The following NAIF1 variants were observed in gnomAD, a reference collection of about 807,000 sequenced individuals.
NAIF1 encodes nuclear apoptosis-inducing factor 1.
In NAIF1, 14 loss-of-function variants were observed where a neutral mutation model predicts 20.7. The ratio of observed to expected loss-of-function variants is 0.67; its 90% CI spans 0.45 to 1.05. The LOEUF is 1.05. Among genes scored for constraint, NAIF1 ranks in the 50% least tolerant of loss-of-function variants. The probability of loss-of-function intolerance (pLI) is 0.00; values close to 1 mark genes in which losing one functional copy is unlikely to be tolerated. For synonymous variants in NAIF1, 191 were observed against 191.4 expected, an observed-to-expected ratio of 1.00 and a Z score of 0.02; for missense variants, 362 against 448.8, an observed-to-expected ratio of 0.81 and a Z score of 1.75.
At chr9:128,064,025 TC>T (rs1224164640) in intron 1 of NAIF1, 125 bp from the exon 2 acceptor site, 5 of 665,744 alleles carry the variant, frequency 7.5e-6, no homozygotes, top group African/African-American at 1.8e-5. Context: ...AATCCAGGCC[TC>T]CCCTGGCTGC....
At chr9:128,064,078 ATTTTTTTTTTTT>A (rs869101033) in intron 1 of NAIF1, among the ~76,000 whole-genome samples, 178 bp from the exon 2 acceptor site, 8 of 105,324 alleles carry the variant, frequency 7.6e-5, no homozygotes, top group Non-Finnish European at 1.2e-4. Flanking sequence ...GGGGTTCAGA[ATTTTTTTTTTTT>A]TTTTTTTTTT....
At chr9:128,064,636 G>C (rs1832757920) in intron 1 of NAIF1, among the ~76,000 whole-genome samples, 1 of 152,214 alleles carries the variant, frequency 6.6e-6, no homozygotes, top group South Asian at 2.1e-4. Context: ...AGAGCCAAGA[G>C]GCAAACCCAG....
intron 1 of NAIF1, chr9:128,066,078 T>G: frequency 6.6e-6 from 1 of 151,128 alleles, no homozygotes; most frequent in Non-Finnish European, 1.5e-5. Context: ...AGTGCTAATG[T>G]TTGATGAATG....
In NAIF1 at chr9:128,067,047, T is replaced by C. The variant is rs143626342; in HGVS notation, c.55A>G (p.Ile19Val). Residue 19 changes from isoleucine (I) to valine (V), a missense_variant, in exon 1 of 2, where the codon ATC (isoleucine) becomes GTC (valine). Around this residue, in one of 3 missense-constraint regions of NAIF1, gnomAD observed 51 missense variants for 68.7 expected, o/e 0.74. Coordinates refer to ENST00000373078, the MANE Select transcript of NAIF1 (RefSeq NM_197956.4). ...KMNFSEREVE[I>V]IVEELELKKH... ...TTCAGCTCCAGCTCCTCCACGATGA[T>C]CTCCACCTCCCGCTCTGAGAAGTTC... is the stretch of plus-strand genomic sequence containing the variant. 4 of 1,613,344 alleles carry C rather than the reference T, an allele frequency of 2.5e-6. No individual in the cohort carries two copies. The highest frequency in any genetic ancestry group is 3.4e-6 in the Non-Finnish European group (4 of 1,179,432).
rs191752820 is a variant in NAIF1 at position 128,063,683 on chromosome 9, G to A, written c.729C>T (p.Ile243=). 67 of 1,614,228 alleles carry A rather than the reference G, an allele frequency of 4.2e-5. No individual in the cohort carries two copies. The East Asian group carries it at 4.5e-4, about 11-fold the overall frequency. The part of the protein sequence containing the change: ...QRVTNLHVKE[I]AQHLEQQNDL... ...CGTTCTGCTGTTCCAGGTGCTGTGC[G>A]ATCTCCTTCACATGCAGGTTGGTGA... The change falls in exon 2 of 2, where the codon ATC becomes ATT. Residue 243 remains isoleucine, a synonymous_variant. Transcript: ENST00000373078. The surrounding 1 kb of genome is among the most constrained non-coding windows in gnomAD (Gnocchi z 4.3).
At position 128,067,252 on chromosome 9, in the gene NAIF1, C is replaced by A; in HGVS notation, c.-151G>T. Reference sequence around the variant, plus strand: ...GCCAAGCACTAGGCCTTTGGTAACCCCCCTCGCTACGCAAAGTGCGTAGGG... The same window carrying A: ...GCCAAGCACTAGGCCTTTGGTAACCACCCTCGCTACGCAAAGTGCGTAGGG... On this transcript the variant is annotated 5_prime_UTR_variant, in exon 1 of 2. Transcript: ENST00000373078. 3.2e-6 allele frequency: 3 copies of A among 950,166 alleles called. No individual in the cohort carries two copies. The highest frequency in any genetic ancestry group is 4.6e-6 in the Non-Finnish European group (3 of 657,738). 58.9% of individuals were successfully genotyped at this position (950,166 alleles called of 1,614,324 possible).
Position 128,063,498 on chromosome 9 carries a change from G to T in NAIF1, c.914C>A (p.Ala305Asp). 1 of 1,609,872 alleles carries T rather than the reference G, an allele frequency of 6.2e-7. No individual in the cohort carries two copies. The change falls in exon 2 of 2, where the codon GCT (alanine) becomes GAT (aspartate). Residue 305 changes from alanine to aspartate, a missense_variant. Physicochemically the swap from Ala to Asp is moderately radical, Grantham distance 126 (BLOSUM62 -2). Coordinates refer to ENST00000373078, the MANE Select transcript of NAIF1 (RefSeq NM_197956.4). This position sits in a 1 kb window ranked among gnomAD's most constrained non-coding sequence, Gnocchi z 4.3. Reference protein sequence around the residue: ...DFRRYLQSNTANPAPASDPGQ... With the variant: ...DFRRYLQSNTDNPAPASDPGQ... Reference sequence around the variant, plus strand: ...AGGGTCAGAGGCGGGGGCCGGGTTAGCTGTGTTGCTCTGCAGGTAGCGGCG... The same window carrying T: ...AGGGTCAGAGGCGGGGGCCGGGTTATCTGTGTTGCTCTGCAGGTAGCGGCG...
In NAIF1 at chr9:128,067,306, A is replaced by T. The variant is rs1479012713; in HGVS notation, c.-205T>A. ...AGCCCCGACCGGCCCGGCCGCTGCC[A>T]GCCAGCAGCGTAATGGCTTCCTGAA... is the stretch of plus-strand genomic sequence containing the variant. On this transcript the variant is annotated 5_prime_UTR_variant, in exon 1 of 2. Transcript: ENST00000373078. The T allele has an allele frequency of 3.8e-6, 2 of 532,432 alleles. No individual in the cohort carries two copies. Among genetic ancestry groups the T allele is most frequent in the East Asian group, 3.2e-5 (1 of 31,534 alleles). 33.0% of individuals were successfully genotyped at this position (532,432 alleles called of 1,614,324 possible). A position where few individuals can be genotyped will look rare whatever the true frequency, so the allele number is the denominator to read the frequency against.
In NAIF1 at chr9:128,067,287, G is replaced by A; in HGVS notation, c.-186C>T. 2 of 587,970 alleles carry A rather than the reference G, an allele frequency of 3.4e-6. No individual in the cohort carries two copies. Among genetic ancestry groups the A allele is most frequent in the Non-Finnish European group, 5.5e-6 (2 of 362,850 alleles). The allele number at this position is 587,970 out of a possible 1,614,324, so 36.4% of individuals were successfully genotyped here. A position where few individuals can be genotyped will look rare whatever the true frequency, so the allele number is the denominator to read the frequency against. ...CGCAAAGTGCGTAGGGCCCAGCCCC[G>A]ACCGGCCCGGCCGCTGCCAGCCAGC... is the stretch of plus-strand genomic sequence containing the variant. On this transcript the variant is annotated 5_prime_UTR_variant, in exon 1 of 2. Coordinates refer to ENST00000373078, the MANE Select transcript of NAIF1 (RefSeq NM_197956.4).
Position 128,062,546 on chromosome 9 carries a change from G to A in NAIF1, c.*882C>T, listed in dbSNP as rs1832731793. Reference sequence around the variant, plus strand: ...AGCCTTCCTGGAGGCCTTCCTAGGAGGGGTTCACACACAGAATAAATACAA... The same window carrying A: ...AGCCTTCCTGGAGGCCTTCCTAGGAAGGGTTCACACACAGAATAAATACAA... On this transcript the variant is annotated 3_prime_UTR_variant, in exon 2 of 2. Transcript: ENST00000373078. 1 of 133,190 alleles carries A rather than the reference G, an allele frequency of 7.5e-6. No individual in the cohort carries two copies. The highest frequency in any genetic ancestry group is 2.5e-5 in the African/African-American group (1 of 39,890). The allele number at this position is 133,190 out of a possible 1,614,324, so 8.3% of individuals were successfully genotyped here.
chr9:128,064,078 ATTTTTTTTTTTTTT>A (rs869101033), intron 1 of NAIF1, among the ~76,000 whole-genome samples, 178 bp from the exon 2 acceptor site: 9 of 105,322 alleles, frequency 8.5e-5, no homozygotes, highest in Middle Eastern at 5.3e-3. Context: ...GGGGTTCAGA[ATTTTTTTTTTTTTT>A]TTTTTTTTTT....
At position 128,061,843 on chromosome 9, in the gene NAIF1, C is replaced by CAAATGGCA. The variant is rs1318054703; in HGVS notation, c.*1577_*1584dup. The CAAATGGCA allele has an allele frequency of 6.6e-6, 1 of 152,182 alleles. No homozygotes were observed. Among genetic ancestry groups the CAAATGGCA allele is most frequent in the East Asian group, 1.9e-4 (1 of 5,200 alleles). 9.4% of individuals were successfully genotyped at this position (152,182 alleles called of 1,614,324 possible). On this transcript the variant is annotated 3_prime_UTR_variant, in exon 2 of 2. Coordinates refer to ENST00000373078, the MANE Select transcript of NAIF1 (RefSeq NM_197956.4). ...ATGGTGAGTCTGAAAATGAAACAGA[C>CAAATGGCA]AAATGGCATCTGGGTAAAATCCTTA...
rs1232077360 is a variant in NAIF1 at position 128,062,623 on chromosome 9, G to A, written c.*805C>T. The A allele has an allele frequency of 6.6e-6, 1 of 152,188 alleles. No individual in the cohort carries two copies. Among genetic ancestry groups the A allele is most frequent in the Non-Finnish European group, 1.5e-5 (1 of 68,050 alleles). The allele number at this position is 152,188 out of a possible 1,614,324, so 9.4% of individuals were successfully genotyped here. A position where few individuals can be genotyped will look rare whatever the true frequency, so the allele number is the denominator to read the frequency against. On this transcript the variant is annotated 3_prime_UTR_variant, in exon 2 of 2. Coordinates refer to ENST00000373078, the MANE Select transcript of NAIF1 (RefSeq NM_197956.4). ...AGCCAACAGGTCACTCAGACCCACTGCAGTGGGGCAGCAAGCTTCCACACT... is the reference window on the plus strand; with the variant it reads ...AGCCAACAGGTCACTCAGACCCACTACAGTGGGGCAGCAAGCTTCCACACT...
At chr9:128,064,343 T>C (rs1219876033) in intron 1 of NAIF1, among the ~76,000 whole-genome samples, 1 of 152,006 alleles carries the variant, frequency 6.6e-6, no homozygotes, top group Non-Finnish European at 1.5e-5. Context: ...CCCAAAGTGC[T>C]GGGATTACAG....
At position 128,063,551 on chromosome 9, in the gene NAIF1, C is replaced by T; in HGVS notation, c.861G>A (p.Gln287=). The change falls in exon 2 of 2, where the codon CAG becomes CAA. Residue 287 remains glutamine (Q), a synonymous_variant. Transcript: ENST00000373078. The surrounding 1 kb of genome is among the most constrained non-coding windows in gnomAD (Gnocchi z 4.3). ...GTQAALSVLI[Q]VLRPMIKDFR... ...AATCTTTGATCATAGGCCGGAGGACCTGGATGAGGACGCTCAGGGCAGCCT... is the reference window on the plus strand; with the variant it reads ...AATCTTTGATCATAGGCCGGAGGACTTGGATGAGGACGCTCAGGGCAGCCT... 1 of 1,611,364 alleles carries T rather than the reference C, an allele frequency of 6.2e-7. No individual in the cohort carries two copies. Among genetic ancestry groups the T allele is most frequent in the South Asian group, 1.1e-5 (1 of 91,088 alleles).
At position 128,067,172 on chromosome 9, in the gene NAIF1, C is replaced by T. The variant is rs1832795275; in HGVS notation, c.-71G>A. 2 of 1,508,462 alleles carry T rather than the reference C, an allele frequency of 1.3e-6. No individual in the cohort carries two copies. The highest frequency in any genetic ancestry group is 8.9e-7 in the Non-Finnish European group (1 of 1,126,954). 93.4% of individuals were successfully genotyped at this position (1,508,462 alleles called of 1,614,324 possible). A position where few individuals can be genotyped will look rare whatever the true frequency, so the allele number is the denominator to read the frequency against. On this transcript the variant is annotated 5_prime_UTR_variant, in exon 1 of 2. Transcript: ENST00000373078. ...GCGCCCCAATTCCCCTTCTCTTCTT[C>T]CTCAGCCTCGCCCCTCACCCACCCC...
chr9:128,064,777 T>C (rs1331365164), intron 1 of NAIF1, among the ~76,000 whole-genome samples: 1 of 151,802 alleles, frequency 6.6e-6, no homozygotes, highest in Non-Finnish European at 1.5e-5. Flanking sequence ...CCGAGGTGGG[T>C]GGATTACCTG....
Position 128,066,652 on chromosome 9 carries a change from G to T in NAIF1, c.450C>A (p.Ile150=), listed in dbSNP as rs534427720. 36 of 1,576,640 alleles carry T rather than the reference G, an allele frequency of 2.3e-5. 1 individual carries two copies. The South Asian group carries it at 2.9e-4, about 13-fold the overall frequency. Residue 150 remains isoleucine (I), a synonymous_variant, in exon 1 of 2, where the codon ATC becomes ATA. Coordinates refer to ENST00000373078, the MANE Select transcript of NAIF1 (RefSeq NM_197956.4). ...CCGAGGGTCCGAGGGCCACAGGGTG[G>T]ATCTCTGTGGTGCTGGGCAGGCTGA... ...TIISLPSTTE[I]HPVALGPSAT... is the part of the protein sequence containing the mutation.
intron 1 of NAIF1, among the ~76,000 whole-genome samples, chr9:128,064,602 C>T (rs2130773230): frequency 6.6e-6 from 1 of 152,244 alleles, no homozygotes; most frequent in African/African-American, 2.4e-5. Context: ...GAATGACTTG[C>T]TAAGGTCACA....
Sources: allele counts gnomAD v4.1 joint callset (sites outside exome capture counted in the v4.1 genomes callset), GRCh38; gene constraint gnomAD v4.1.1; regional missense constraint gnomAD v4.1.1; non-coding constraint Gnocchi (gnomAD v3.1); transcripts MANE v1.5; gene names NCBI Gene and HGNC (gene_info 2026-07-23, HGNC 2026-07-21).